The following TMEFF1 variants were observed in gnomAD, a reference collection of about 807,000 sequenced individuals.
TMEFF1 encodes the protein transmembrane protein with EGF like and two follistatin like domains 1.
In TMEFF1, 20 loss-of-function variants were observed where a neutral mutation model predicts 47.5. The observed-to-expected ratio is 0.42, with a 90% CI of 0.30 to 0.61. TMEFF1 has a LOEUF of 0.61. Ranked by LOEUF, TMEFF1 falls within the 20% of genes least tolerant of loss-of-function variation. The pLI is 0.19. For missense variants in TMEFF1, 411 were observed against 471.1 expected, an observed-to-expected ratio of 0.87 and a Z score of 1.18; for synonymous variants, 162 against 166.3, an observed-to-expected ratio of 0.97 and a Z score of 0.20.
At chr9:100,556,563 CGA>C (rs1429002311) in intron 7 of TMEFF1, among the ~76,000 whole-genome samples, 1 of 151,968 alleles carries the variant, frequency 6.6e-6, no homozygotes, top group Non-Finnish European at 1.5e-5. Context: ...CAAGTTGAAG[CGA>C]GGTTTCATTC....
At chr9:100,480,130 G>A (rs1256920822) in intron 1 of TMEFF1, among the ~76,000 whole-genome samples, 1 of 151,774 alleles carries the variant, frequency 6.6e-6, no homozygotes, top group African/African-American at 2.4e-5. Flanking sequence ...TTGATATTAA[G>A]CATCTTTTAA....
intron 4 of TMEFF1, among the ~76,000 whole-genome samples, chr9:100,516,363 T>G (rs1188335525): frequency 6.6e-6 from 1 of 152,158 alleles, no homozygotes; most frequent in African/African-American, 2.4e-5. Context: ...CTCTTTTCTT[T>G]CTCCCTTATT....
At chr9:100,495,608 A>G (rs1340895418) in intron 1 of TMEFF1, among the ~76,000 whole-genome samples, 1 of 152,174 alleles carries the variant, frequency 6.6e-6, no homozygotes, top group Non-Finnish European at 1.5e-5. Context: ...TACCTAGTAG[A>G]TGCTTAGTAA....
chr9:100,489,178 G>A (rs1455884606), intron 1 of TMEFF1, among the ~76,000 whole-genome samples: 1 of 152,022 alleles, frequency 6.6e-6, no homozygotes, highest in Non-Finnish European at 1.5e-5. Context: ...AGCCTTTTGT[G>A]CCTGAGTTAT....
intron 5 of TMEFF1, among the ~76,000 whole-genome samples, chr9:100,536,390 G>A (rs947201795): frequency 6.6e-6 from 1 of 152,148 alleles, no homozygotes; most frequent in African/African-American, 2.4e-5. Context: ...GAGCCTTGAG[G>A]AAGAGGAACT....
At chr9:100,555,162 GACACACACAC>G (rs112017161) in intron 7 of TMEFF1, among the ~76,000 whole-genome samples, 3 of 144,392 alleles carry the variant, frequency 2.1e-5, no homozygotes, top group South Asian at 4.4e-4. Flanking sequence ...TGTACACACA[GACACACACAC>G]ACACACACAC....
chr9:100,488,830 G>A (rs1837498087), intron 1 of TMEFF1, among the ~76,000 whole-genome samples: 2 of 151,958 alleles, frequency 1.3e-5, no homozygotes, highest in Admixed American at 1.3e-4. Flanking sequence ...TATAATGCCT[G>A]TTTTTAATTT....
chr9:100,514,068 A>G (rs898460716), intron 4 of TMEFF1, among the ~76,000 whole-genome samples: 11 of 152,190 alleles, frequency 7.2e-5, no homozygotes, highest in Admixed American at 3.3e-4. Context: ...CTTAATGAGT[A>G]TGTACTGTAT....
At position 100,473,291 on chromosome 9, in the gene TMEFF1, C is replaced by G; in HGVS notation, c.-254C>G. On this transcript the variant is annotated 5_prime_UTR_variant, in exon 1 of 10. Coordinates refer to ENST00000374879, the MANE Select transcript of TMEFF1 (RefSeq NM_003692.5). This position sits in a 1 kb window ranked among gnomAD's most constrained non-coding sequence, Gnocchi z 5.4. ...CCCCTCGCCGCGGTGTCCCCCACGCCGGCTCGCACCCTCGCGCGCACCCTT... is the reference window on the plus strand; with the variant it reads ...CCCCTCGCCGCGGTGTCCCCCACGCGGGCTCGCACCCTCGCGCGCACCCTT... 1 of 154,256 alleles carries G rather than the reference C, an allele frequency of 6.5e-6. No homozygotes were observed. The highest frequency in any genetic ancestry group is 1.4e-5 in the Non-Finnish European group (1 of 70,668). 9.6% of individuals were successfully genotyped at this position (154,256 alleles called of 1,614,324 possible).
intron 7 of TMEFF1, among the ~76,000 whole-genome samples, chr9:100,560,203 A>G (rs1002392396): frequency 6.6e-6 from 1 of 152,152 alleles, no homozygotes; most frequent in African/African-American, 2.4e-5. Context: ...TGTGCTATAT[A>G]AATAGCTGGT....
chr9:100,567,504 C>T (rs574179983), intron 8 of TMEFF1, among the ~76,000 whole-genome samples: 37 of 152,270 alleles, frequency 2.4e-4, no homozygotes, highest in South Asian at 8.3e-4. Flanking sequence ...ACTCTTCTCC[C>T]GGTAGCTGGT....
At chr9:100,563,961 TCTG>T (rs1287714500) in intron 8 of TMEFF1, among the ~76,000 whole-genome samples, 1 of 152,224 alleles carries the variant, frequency 6.6e-6, no homozygotes, top group Non-Finnish European at 1.5e-5. Context: ...CATGTGCACT[TCTG>T]CTAGTAGGTA....
chr9:100,507,575 G>T (rs1038122234), intron 2 of TMEFF1, among the ~76,000 whole-genome samples: 13 of 151,970 alleles, frequency 8.6e-5, no homozygotes, highest in Non-Finnish European at 1.3e-4. Context: ...TTTTCTTGTG[G>T]TTTTGATTTG....
chr9:100,570,774 C>T (rs1327961940), intron 8 of TMEFF1, among the ~76,000 whole-genome samples: 4 of 152,050 alleles, frequency 2.6e-5, no homozygotes, highest in African/African-American at 9.7e-5. Context: ...TCCCTCCTCC[C>T]ACATTTCTTT....
chr9:100,536,614 C>T (rs1231944978), intron 5 of TMEFF1, among the ~76,000 whole-genome samples: 1 of 152,168 alleles, frequency 6.6e-6, no homozygotes, highest in Admixed American at 6.5e-5. Context: ...TTTAAGTCTT[C>T]TCTTGATTAT....
Position 100,473,816 on chromosome 9 carries a change from C to T in TMEFF1, c.196+76C>T. 7.2e-7 allele frequency: 1 copy of T among 1,382,764 alleles called. No homozygotes were observed. The highest frequency in any genetic ancestry group is 9.4e-7 in the Non-Finnish European group (1 of 1,062,016). 85.7% of individuals were successfully genotyped at this position (1,382,764 alleles called of 1,614,324 possible). A position where few individuals can be genotyped will look rare whatever the true frequency, so the allele number is the denominator to read the frequency against. On this transcript the variant is annotated intron_variant, in intron 1 of 9. Transcript: ENST00000374879. The surrounding 1 kb of genome is among the most constrained non-coding windows in gnomAD (Gnocchi z 5.4). Reference sequence around the variant, plus strand: ...CTCCCTCGTGGTCCCTGCGGTCGGCCGGGCTGGGAAAGACCCCGTCGTGGG... The same window carrying T: ...CTCCCTCGTGGTCCCTGCGGTCGGCTGGGCTGGGAAAGACCCCGTCGTGGG...
chr9:100,558,459 G>T (rs557160138), intron 7 of TMEFF1, among the ~76,000 whole-genome samples: 1 of 151,730 alleles, frequency 6.6e-6, no homozygotes, highest in African/African-American at 2.4e-5. Context: ...AGCAAGAAAA[G>T]TATATTTGAT....
At chr9:100,523,406 G>C (rs1479903824) in intron 5 of TMEFF1, among the ~76,000 whole-genome samples, 1 of 152,104 alleles carries the variant, frequency 6.6e-6, no homozygotes, top group Non-Finnish European at 1.5e-5. Context: ...GCTTCCTGAG[G>C]GCAGGGACTT....
chr9:100,542,385 C>T (rs1014926071), intron 5 of TMEFF1, among the ~76,000 whole-genome samples: 3 of 152,148 alleles, frequency 2.0e-5, no homozygotes, highest in Admixed American at 6.5e-5. Flanking sequence ...GTTCTTCATT[C>T]GTATTTGCAT....
Sources: gnomAD v4.1 joint callset for allele counts (sites outside exome capture counted in the v4.1 genomes callset) on GRCh38, gnomAD v4.1.1 for gene constraint, Gnocchi (gnomAD v3.1) non-coding constraint, MANE v1.5 for transcripts, NCBI Gene and HGNC (gene_info 2026-07-23, HGNC 2026-07-21) for gene names.